CCDC88A: variants seen among roughly 807,000 people sequenced by gnomAD.
CCDC88A encodes the protein girdin.
In CCDC88A, 54 loss-of-function variants were observed where a neutral mutation model predicts 234.3. The observed-to-expected ratio is 0.23, with a 90% CI of 0.19 to 0.29. The LOEUF is 0.29. Among genes scored for constraint, CCDC88A ranks in the 10% least tolerant of loss-of-function variants. The probability of loss-of-function intolerance (pLI) is 1.00; values close to 1 mark genes in which losing one functional copy is unlikely to be tolerated. For synonymous variants in CCDC88A, 753 were observed against 737.8 expected, an observed-to-expected ratio of 1.02 and a Z score of -0.33; for missense variants, 1,832 against 2,123.4, an observed-to-expected ratio of 0.86 and a Z score of 2.70.
chr2:55,371,241 T>C (rs993343541), intron 5 of CCDC88A, among the ~76,000 whole-genome samples: 2 of 152,194 alleles, frequency 1.3e-5, no homozygotes, highest in Non-Finnish European at 2.9e-5. Context: ...GAAGACCATA[T>C]TCAACTTAAT....
At position 55,334,031 on chromosome 2, in the gene CCDC88A, TAAAG is replaced by T. The variant is rs2104688180; in HGVS notation, c.2727+59_2727+62del. The T allele has an allele frequency of 1.8e-6, 1 of 550,652 alleles. No individual in the cohort carries two copies. Among genetic ancestry groups the T allele is most frequent in the East Asian group, 3.4e-5 (1 of 29,496 alleles). The allele number at this position is 550,652 out of a possible 1,614,324, so 34.1% of individuals were successfully genotyped here. ...ATTACTGATAGATTCCAATAAAACT[TAAAG>T]AAACCTTGAGTTAAAAATATAAAAA... On this transcript the variant is annotated intron_variant, in intron 15 of 32. Transcript: ENST00000436346. The surrounding 1 kb of genome is among the most constrained non-coding windows in gnomAD (Gnocchi z 6.1).
intron 8 of CCDC88A, among the ~76,000 whole-genome samples, chr2:55,353,649 CAAAAAA>C (rs34022778): frequency 6.5e-5 from 5 of 77,078 alleles, no homozygotes; most frequent in Middle Eastern, 9.1e-3. Context: ...GAAACCAAAC[CAAAAAA>C]AAAAAAAAAA....
intron 25 of CCDC88A, among the ~76,000 whole-genome samples, chr2:55,305,917 CT>C (rs1300757375): frequency 6.6e-6 from 1 of 151,806 alleles, no homozygotes; most frequent in Non-Finnish European, 1.5e-5. Flanking sequence ...CTATTTCTTT[CT>C]TTTTTGTTTT....
chr2:55,341,198 T>C lies in CCDC88A; in HGVS notation c.1334-1550A>G, dbSNP rs1476316893. On this transcript the variant is annotated intron_variant, in intron 12 of 32. Coordinates refer to ENST00000436346, the MANE Select transcript of CCDC88A (RefSeq NM_001365480.1). ...TCTTGCTCTGTCACCCAGGCTGGAG[T>C]GCAGTGGCATGATAGTGGCTCACTG... 4.2e-5 allele frequency among the ~76,000 whole-genome samples: 6 copies of C among 143,988 alleles called. No individual in the cohort carries two copies. In the East Asian group the frequency reaches 1.2e-3, roughly 29 times the overall value. 94.5% of individuals were successfully genotyped at this position (143,988 alleles called of 152,430 possible). A position where few individuals can be genotyped will look rare whatever the true frequency, so the allele number is the denominator to read the frequency against.
intron 3 of CCDC88A, among the ~76,000 whole-genome samples, chr2:55,375,537 T>G (rs1432900288): frequency 1.1e-4 from 4 of 37,596 alleles, no homozygotes; most frequent in Admixed American, 5.1e-4. Flanking sequence ...ATATGTTGGG[T>G]TTTTTTTTGA....
At chr2:55,414,730 T>A (rs1244905552) in intron 2 of CCDC88A, among the ~76,000 whole-genome samples, 3 of 152,092 alleles carry the variant, frequency 2.0e-5, no homozygotes, top group African/African-American at 7.2e-5. Context: ...ATTAATCAAT[T>A]TTCTTAGTCT....
intron 30 of CCDC88A, 51 bp from the exon 31 acceptor site, chr2:55,296,107 T>C: frequency 7.0e-7 from 1 of 1,428,918 alleles, no homozygotes; most frequent in Non-Finnish European, 9.5e-7. Flanking sequence ...GCCATGTTTT[T>C]ACTTTCCTGA....
chr2:55,366,526 C>T (rs1455069436), intron 5 of CCDC88A, among the ~76,000 whole-genome samples: 2 of 119,316 alleles, frequency 1.7e-5, no homozygotes, highest in Non-Finnish European at 3.5e-5. Context: ...GACTCTGTCA[C>T]ACACACATAC....
intron 2 of CCDC88A, among the ~76,000 whole-genome samples, chr2:55,398,640 C>A (rs967851369): frequency 6.6e-6 from 1 of 151,686 alleles, no homozygotes; most frequent in African/African-American, 2.4e-5. Flanking sequence ...GGGCTGGCAA[C>A]GATGGCTTAC....
At chr2:55,380,863 G>A (rs112231988) in intron 3 of CCDC88A, among the ~76,000 whole-genome samples, 6,836 of 152,178 alleles carry the variant, frequency 0.045, 484 homozygotes, top group African/African-American at 0.15. Flanking sequence ...ATGATCGCTT[G>A]CCTTGGCCTC....
intron 7 of CCDC88A, 27 bp from the exon 8 acceptor site, chr2:55,355,778 A>C: frequency 6.3e-7 from 1 of 1,575,872 alleles, no homozygotes; most frequent in Non-Finnish European, 8.7e-7. Context: ...AATCACTTTC[A>C]GTATTCTACA....
At chr2:55,341,487 T>A (rs1668493491) in intron 12 of CCDC88A, among the ~76,000 whole-genome samples, 1 of 140,820 alleles carries the variant, frequency 7.1e-6, no homozygotes, top group Non-Finnish European at 1.5e-5. Flanking sequence ...CTGTGTCACC[T>A]AGGCTGGAGT....
rs143679885 is a variant in CCDC88A, at chr2:55,357,577, A to G, written c.628-1826T>C. ...TTCTTTCAAACTTCTCAGGCAAATA[A>G]ACTGTCTTACATAGCAATTTCAGCT... On this transcript the variant is annotated intron_variant, in intron 7 of 32. Coordinates refer to ENST00000436346, the MANE Select transcript of CCDC88A (RefSeq NM_001365480.1). 1.6e-4 allele frequency among the ~76,000 whole-genome samples: 25 copies of G among 152,298 alleles called. No individual in the cohort carries two copies. In the East Asian group the frequency reaches 4.8e-3, roughly 29 times the overall value.
chr2:55,414,884 T>C (rs7424286), intron 2 of CCDC88A, among the ~76,000 whole-genome samples: 123,735 of 151,438 alleles, frequency 0.82, 51,395 homozygotes, highest in Admixed American at 0.91. Context: ...GCTAACACGG[T>C]GAAACCCCGT....
intron 2 of CCDC88A, among the ~76,000 whole-genome samples, chr2:55,413,725 G>T (rs1425135538): frequency 6.6e-6 from 1 of 152,046 alleles, no homozygotes; most frequent in Non-Finnish European, 1.5e-5. Context: ...CAGAACTTTG[G>T]GAGGCTGAGG....
In CCDC88A at chr2:55,339,822, T is replaced by C. The variant is rs1668258267; in HGVS notation, c.1334-174A>G. The C allele has an allele frequency of 3.3e-5, 17 of 517,186 alleles. No homozygotes were observed. The East Asian group carries it at 5.5e-4, about 17-fold the overall frequency. The allele number at this position is 517,186 out of a possible 1,614,324, so 32.0% of individuals were successfully genotyped here. On this transcript the variant is annotated intron_variant, in intron 12 of 32. Coordinates refer to ENST00000436346, the MANE Select transcript of CCDC88A (RefSeq NM_001365480.1). The stretch of plus-strand genomic sequence containing the variant: ...AAGATAAAAGAAGTAAATCTTTTTT[T>C]TCCTTTTCTTTTTTTCTTTTTTTTA...
At chr2:55,365,828 G>T (rs146848731) in intron 5 of CCDC88A, among the ~76,000 whole-genome samples, 51 of 152,286 alleles carry the variant, frequency 3.3e-4, no homozygotes, top group African/African-American at 1.1e-3. Flanking sequence ...CTTTGAAGCT[G>T]AATAATCAGA....
Position 55,372,496 on chromosome 2 carries a change from CT to C in CCDC88A, c.357del (p.Glu120LysfsTer29). The C allele has an allele frequency of 6.7e-7, 1 of 1,501,560 alleles. No homozygotes were observed. 93.0% of individuals were successfully genotyped at this position (1,501,560 alleles called of 1,614,324 possible). A position where few individuals can be genotyped will look rare whatever the true frequency, so the allele number is the denominator to read the frequency against. On this transcript the variant is annotated frameshift_variant, in exon 5 of 33. Transcript: ENST00000436346. LOFTEE classifies it high-confidence loss of function. ...AAAAGTAAAAGCAGTTTTTTAACTTCTTCTGTGCCTTGTTCTAAAATAGAAA... is the reference window on the plus strand; with the variant it reads ...AAAAGTAAAAGCAGTTTTTTAACTTCTCTGTGCCTTGTTCTAAAATAGAAA... ...GKNPFSEQGTEEVKKLLLLLL... is the reference protein window; with the variant it reads ...GKNPFSEQGTXEVKKLLLLLL...
At chr2:55,391,188 G>A (rs756734799) in intron 2 of CCDC88A, among the ~76,000 whole-genome samples, 4 of 152,112 alleles carry the variant, frequency 2.6e-5, no homozygotes, top group East Asian at 1.9e-4. Context: ...AGCAGAGACC[G>A]CAGAAGAGTC....
Sources: gnomAD v4.1 joint callset for allele counts (sites outside exome capture counted in the v4.1 genomes callset) on GRCh38, gnomAD v4.1.1 for gene constraint, Gnocchi (gnomAD v3.1) non-coding constraint, MANE v1.5 for transcripts, NCBI Gene and HGNC (gene_info 2026-07-23, HGNC 2026-07-21) for gene names.